Variants in MGMT observed in about 807,000 individuals in gnomAD.
The protein encoded by MGMT is methylated-DNA--protein-cysteine methyltransferase.
Under a neutral mutation model 15.9 loss-of-function variants are expected in MGMT, and 14 were observed. The observed-to-expected ratio is 0.88, with a 90% CI of 0.58 to 1.37. The LOEUF (loss-of-function observed/expected upper bound fraction) is 1.37, where lower values mean the gene tolerates loss of function less well. MGMT is among the 40% of genes most tolerant of loss of function. MGMT has a pLI of 0.00. For missense variants in MGMT, 282 were observed against 268.1 expected, an observed-to-expected ratio of 1.05 and a Z score of -0.36; for synonymous variants, 130 against 118.2, an observed-to-expected ratio of 1.10 and a Z score of -0.65.
At chr10:129,744,045 G>A (rs925357882) in intron 3 of MGMT, among the ~76,000 whole-genome samples, 1 of 152,246 alleles carries the variant, frequency 6.6e-6, no homozygotes, top group African/African-American at 2.4e-5. Flanking sequence ...ATCTGGCTGG[G>A]TAGGAGGAAA....
intron 2 of MGMT, among the ~76,000 whole-genome samples, chr10:129,663,949 C>T (rs1847628387): frequency 6.6e-6 from 1 of 152,096 alleles, no homozygotes. Context: ...GGAAACGTCC[C>T]ATATTTTTTA....
chr10:129,467,265 A>G lies in MGMT; in HGVS notation c.-44A>G, dbSNP rs1845178263. On this transcript the variant is annotated 5_prime_UTR_variant, in exon 1 of 5. Coordinates refer to ENST00000651593, the MANE Select transcript of MGMT (RefSeq NM_002412.5). ...GAACGCTTTGCGTCCCGACGCCCGC[A>G]GGTCCTCGCGGTGCGCACCGTTTGC... 6.7e-7 allele frequency: 1 copy of G among 1,500,420 alleles called. No homozygotes were observed. Among genetic ancestry groups the G allele is most frequent in the East Asian group, 2.8e-5 (1 of 35,776 alleles). The allele number at this position is 1,500,420 out of a possible 1,614,324, so 92.9% of individuals were successfully genotyped here.
chr10:129,483,645 G>A (rs998490746), intron 1 of MGMT, among the ~76,000 whole-genome samples: 4 of 151,976 alleles, frequency 2.6e-5, no homozygotes, highest in African/African-American at 9.7e-5. Context: ...TTGTTCTTCT[G>A]TATGTAATCT....
chr10:129,477,621 C>T lies in MGMT; in HGVS notation c.-13+10325C>T, dbSNP rs1845310224. Among the ~76,000 whole-genome samples the T allele has an allele frequency of 3.9e-5, 6 of 152,168 alleles. No homozygotes were observed. In the South Asian group the frequency reaches 1.0e-3, roughly 26 times the overall value. ...CTCCCTCCCATACCGTGTGAGGACA[C>T]AGCGAGGAGGAGGCTGTGTGCAAGC... On this transcript the variant is annotated intron_variant, in intron 1 of 4. Coordinates refer to ENST00000651593, the MANE Select transcript of MGMT (RefSeq NM_002412.5).
At chr10:129,720,914 C>A (rs572795440) in intron 3 of MGMT, among the ~76,000 whole-genome samples, 6 of 150,700 alleles carry the variant, frequency 4.0e-5, no homozygotes, top group African/African-American at 1.5e-4. Flanking sequence ...CCTCTTCCCT[C>A]TTCTGTTGTA....
intron 1 of MGMT, among the ~76,000 whole-genome samples, chr10:129,526,215 A>G (rs1337121221): frequency 6.6e-6 from 1 of 152,178 alleles, no homozygotes; most frequent in Non-Finnish European, 1.5e-5. Flanking sequence ...TTTTTGACAC[A>G]TGCTTTTCTT....
chr10:129,686,271 AAAG>A (rs1265477001), intron 2 of MGMT, among the ~76,000 whole-genome samples: 4 of 152,310 alleles, frequency 2.6e-5, no homozygotes, highest in African/African-American at 9.6e-5. Context: ...AAGAAAAAAA[AAAG>A]AGATCCCTAA....
At chr10:129,581,571 C>T (rs1846555739) in intron 2 of MGMT, among the ~76,000 whole-genome samples, 1 of 152,202 alleles carries the variant, frequency 6.6e-6, no homozygotes, top group East Asian at 1.9e-4. Context: ...AATGGTCAGT[C>T]ACTATCTTCT....
chr10:129,606,348 G>A (rs1846890580), intron 2 of MGMT, among the ~76,000 whole-genome samples: 1 of 152,200 alleles, frequency 6.6e-6, no homozygotes, highest in Admixed American at 6.5e-5. Context: ...TACTGAAGTG[G>A]GAGAGAACAC....
chr10:129,623,038 A>G (rs754208247), intron 2 of MGMT, among the ~76,000 whole-genome samples: 1 of 152,158 alleles, frequency 6.6e-6, no homozygotes, highest in Non-Finnish European at 1.5e-5. Context: ...AGCCAGCCGG[A>G]TGGCATCGTC....
chr10:129,526,910 G>A (rs962736530), intron 1 of MGMT, among the ~76,000 whole-genome samples: 16 of 152,198 alleles, frequency 1.1e-4, no homozygotes, highest in African/African-American at 3.9e-4. Context: ...TTATTTAAAC[G>A]CCATTCATGT....
intron 1 of MGMT, among the ~76,000 whole-genome samples, chr10:129,530,997 C>G (rs966141791): frequency 3.3e-5 from 5 of 152,244 alleles, no homozygotes; most frequent in Non-Finnish European, 7.3e-5. Flanking sequence ...TCGTGCTAGC[C>G]TGGGTGTGGG....
chr10:129,565,067 G>T (rs1217132576), intron 2 of MGMT, among the ~76,000 whole-genome samples: 1 of 152,250 alleles, frequency 6.6e-6, no homozygotes, highest in African/African-American at 2.4e-5. Context: ...TGCCGTCTTG[G>T]GAAGGGGGAA....
chr10:129,764,672 G>T (rs28427056), intron 4 of MGMT, among the ~76,000 whole-genome samples: 1 of 152,222 alleles, frequency 6.6e-6, no homozygotes, highest in Non-Finnish European at 1.5e-5. Context: ...CTGGGGATAC[G>T]CTCAGCTGGA....
At position 129,768,548 on chromosome 10, in the gene MGMT, A is replaced by G. The variant is rs1296676413; in HGVS notation, c.*1551A>G. 2.0e-5 allele frequency among the ~76,000 whole-genome samples: 3 copies of G among 152,220 alleles called. No homozygotes were observed. The highest frequency in any genetic ancestry group is 7.2e-5 in the African/African-American group (3 of 41,464). ...GGAAAAGCTGGGTGCACTCTGCCCCAAAGGTGGTGCCCTGTGTCCCCCACA... is the reference window on the plus strand; with the variant it reads ...GGAAAAGCTGGGTGCACTCTGCCCCGAAGGTGGTGCCCTGTGTCCCCCACA... On this transcript the variant is annotated 3_prime_UTR_variant, in exon 5 of 5. Coordinates refer to ENST00000651593, the MANE Select transcript of MGMT (RefSeq NM_002412.5).
At chr10:129,641,253 A>G (rs182545076) in intron 2 of MGMT, among the ~76,000 whole-genome samples, 218 of 152,326 alleles carry the variant, frequency 1.4e-3, no homozygotes, top group Non-Finnish European at 2.3e-3. Context: ...TTCATGTCCA[A>G]TGATATTTGC....
chr10:129,662,556 A>G (rs1847609393), intron 2 of MGMT, among the ~76,000 whole-genome samples: 2 of 152,206 alleles, frequency 1.3e-5, no homozygotes, highest in Admixed American at 6.5e-5. Flanking sequence ...CCTCACTGCA[A>G]TTCCAGCATC....
At position 129,539,975 on chromosome 10, in the gene MGMT, T is replaced by A. The variant is rs564375030; in HGVS notation, c.125+3598T>A. On this transcript the variant is annotated intron_variant, in intron 2 of 4. Coordinates refer to ENST00000651593, the MANE Select transcript of MGMT (RefSeq NM_002412.5). Reference sequence around the variant, plus strand: ...ATTTCGACTGGGAGTTCATTGAACCTGGTTGTCAATTTTGGGAGGGTTGAC... The same window carrying A: ...ATTTCGACTGGGAGTTCATTGAACCAGGTTGTCAATTTTGGGAGGGTTGAC... Among the ~76,000 whole-genome samples the A allele has an allele frequency of 4.2e-4, 64 of 152,382 alleles. No homozygotes were observed. The South Asian group carries it at 0.013, about 31-fold the overall frequency.
chr10:129,711,324 T>C (rs541388902), intron 3 of MGMT, among the ~76,000 whole-genome samples: 37 of 152,364 alleles, frequency 2.4e-4, no homozygotes, highest in African/African-American at 8.9e-4. Context: ...ATGGTTCAAC[T>C]TCTTATCTTG....
Sources: allele counts gnomAD v4.1 joint callset (sites outside exome capture counted in the v4.1 genomes callset), GRCh38; gene constraint gnomAD v4.1.1; transcripts MANE v1.5; gene names NCBI Gene and HGNC (gene_info 2026-07-23, HGNC 2026-07-21).